The following HNF4G variants were observed in gnomAD, a reference collection of about 807,000 sequenced individuals.
The protein encoded by HNF4G is hepatocyte nuclear factor 4 gamma, also known as hepatocyte nuclear factor 4-gamma.
In HNF4G, 21 loss-of-function variants were observed where a neutral mutation model predicts 50.9. The observed-to-expected ratio is 0.41, with a 90% CI of 0.29 to 0.59. HNF4G has a LOEUF of 0.59. Ranked by LOEUF, HNF4G falls within the 20% of genes least tolerant of loss-of-function variation. The probability of loss-of-function intolerance (pLI) is 0.26; values close to 1 mark genes in which losing one functional copy is unlikely to be tolerated. For missense variants in HNF4G, 527 were observed against 559.4 expected (o/e 0.94, Z 0.58); for synonymous variants, 198 against 185.6 (o/e 1.07, Z -0.54).
rs561859014 is a variant in HNF4G at position 75,563,832 on chromosome 8, G to A, written c.1247-143G>A. 1.0e-3 allele frequency: 850 copies of A among 819,524 alleles called. 9 individuals are homozygous for A. Among genetic ancestry groups the A allele is most frequent in the Admixed American group, 2.6e-4 (10 of 38,418 alleles). 50.8% of individuals were successfully genotyped at this position (819,524 alleles called of 1,614,324 possible). A position where few individuals can be genotyped will look rare whatever the true frequency, so the allele number is the denominator to read the frequency against. Reference sequence around the variant, plus strand: ...TAACAGTACGTCATGGGCCAATAATGCATTCTACAAATCACTATTCTGTGT... The same window carrying A: ...TAACAGTACGTCATGGGCCAATAATACATTCTACAAATCACTATTCTGTGT... On this transcript the variant is annotated intron_variant, in intron 9 of 9. Transcript: ENST00000396423.
At chr8:75,522,740 C>T (rs745464712) in intron 2 of HNF4G, among the ~76,000 whole-genome samples, 1 of 152,140 alleles carries the variant, frequency 6.6e-6, no homozygotes, top group Non-Finnish European at 1.5e-5. Context: ...CATTGGAAAC[C>T]ACTGATGTAG....
intron 1 of HNF4G, among the ~76,000 whole-genome samples, chr8:75,470,369 A>AT (rs1363855533): frequency 6.6e-6 from 1 of 152,310 alleles, no homozygotes; most frequent in African/African-American, 2.4e-5. Context: ...TTGGTACTAT[A>AT]TTTTTATGGC....
At chr8:75,535,380 G>C (rs1385378472), upstream of HNF4G, among the ~76,000 whole-genome samples, 3 of 151,608 alleles carry the variant, frequency 2.0e-5, no homozygotes, top group Non-Finnish European at 4.4e-5. Context: ...TCCTTTTTGA[G>C]AAACAAAAGG....
At chr8:75,532,624 G>C (rs1408224593) in intron 2 of HNF4G, among the ~76,000 whole-genome samples, 1 of 152,004 alleles carries the variant, frequency 6.6e-6, no homozygotes, top group Non-Finnish European at 1.5e-5. Flanking sequence ...GTCAGCATTG[G>C]TAACATGAGG....
At chr8:75,455,540 G>A (rs2172) in intron 1 of HNF4G, among the ~76,000 whole-genome samples, 24,499 of 151,954 alleles carry the variant, frequency 0.16, 2,287 homozygotes, top group African/African-American at 0.25. Flanking sequence ...CATGAACTTG[G>A]GGAACTATAA....
chr8:75,471,447 A>C (rs934713146), intron 1 of HNF4G, among the ~76,000 whole-genome samples: 10 of 152,286 alleles, frequency 6.6e-5, no homozygotes, highest in African/African-American at 2.2e-4. Flanking sequence ...CAATATACAT[A>C]GTTTGAATAG....
At chr8:75,561,994 C>A (rs1807323507) in intron 9 of HNF4G, among the ~76,000 whole-genome samples, 1 of 152,070 alleles carries the variant, frequency 6.6e-6, no homozygotes, top group African/African-American at 2.4e-5. Flanking sequence ...TAATTAATCC[C>A]AGATTTACCT....
At chr8:75,563,377 G>C (rs1363115769) in intron 9 of HNF4G, among the ~76,000 whole-genome samples, 2 of 151,072 alleles carry the variant, frequency 1.3e-5, no homozygotes, top group African/African-American at 2.4e-5. Context: ...CTTGCTCTTT[G>C]CATCAAAGGG....
chr8:75,449,751 C>T (rs570972245), intron 1 of HNF4G, among the ~76,000 whole-genome samples: 2 of 149,854 alleles, frequency 1.3e-5, no homozygotes, highest in Non-Finnish European at 2.9e-5. Context: ...TCGTGATCCG[C>T]CCCCCTTGGC....
At chr8:75,519,101 A>G (rs1339030880) in intron 2 of HNF4G, among the ~76,000 whole-genome samples, 3 of 152,172 alleles carry the variant, frequency 2.0e-5, no homozygotes, top group Admixed American at 6.5e-5. Context: ...GCCATAGATC[A>G]TTTCTCTCAA....
chr8:75,476,105 A>C (rs1812233438), intron 1 of HNF4G, among the ~76,000 whole-genome samples: 1 of 152,010 alleles, frequency 6.6e-6, no homozygotes, highest in South Asian at 2.1e-4. Flanking sequence ...CCTGTTCTCC[A>C]ATTTTTTTGG....
intron 1 of HNF4G, among the ~76,000 whole-genome samples, chr8:75,462,331 A>G (rs1468440987): frequency 6.6e-6 from 1 of 152,158 alleles, no homozygotes; most frequent in African/African-American, 2.4e-5. Context: ...CTGTCACAGT[A>G]TCACAGTGAT....
chr8:75,511,370 A>C (rs994157465), intron 2 of HNF4G, among the ~76,000 whole-genome samples: 6 of 152,286 alleles, frequency 3.9e-5, no homozygotes, highest in Admixed American at 6.5e-5. Flanking sequence ...GTTTGCCTTA[A>C]TATGTAATTG....
intron 2 of HNF4G, among the ~76,000 whole-genome samples, chr8:75,529,014 C>T (rs1398714202): frequency 6.6e-6 from 1 of 151,978 alleles, no homozygotes; most frequent in East Asian, 1.9e-4. Flanking sequence ...CTGCCGGGCG[C>T]GGTGGCTAAC....
At chr8:75,438,921 T>C (rs1811206188) in intron 1 of HNF4G, among the ~76,000 whole-genome samples, 1 of 152,054 alleles carries the variant, frequency 6.6e-6, no homozygotes, top group Admixed American at 6.6e-5. Flanking sequence ...TGATTTTTTT[T>C]CTCCACTTAA....
intron 1 of HNF4G, among the ~76,000 whole-genome samples, chr8:75,432,331 T>A (rs1369565648): frequency 2.6e-5 from 4 of 152,124 alleles, no homozygotes; most frequent in African/African-American, 4.8e-5. Context: ...TATTTATTTA[T>A]TTTGAGAAGG....
intron 9 of HNF4G, among the ~76,000 whole-genome samples, chr8:75,562,448 T>A (rs1807340763): frequency 6.6e-6 from 1 of 152,146 alleles, no homozygotes; most frequent in Non-Finnish European, 1.5e-5. Flanking sequence ...ATCTTACCAT[T>A]TTCATTTAAC....
intron 2 of HNF4G, among the ~76,000 whole-genome samples, chr8:75,533,428 T>C (rs1388395181): frequency 5.9e-5 from 9 of 152,100 alleles, no homozygotes; most frequent in Non-Finnish European, 8.8e-5. Flanking sequence ...ATAATTGTAA[T>C]GTGCACCAGA....
intron 2 of HNF4G, among the ~76,000 whole-genome samples, chr8:75,520,486 G>A (rs1806011009): frequency 6.6e-6 from 1 of 151,780 alleles, no homozygotes; most frequent in African/African-American, 2.4e-5. Context: ...TGCTCAGGCT[G>A]GAGTACAGTG....
Sources: allele counts gnomAD v4.1 joint callset (sites outside exome capture counted in the v4.1 genomes callset), GRCh38; gene constraint gnomAD v4.1.1; transcripts MANE v1.5; gene names NCBI Gene and HGNC (gene_info 2026-07-23, HGNC 2026-07-21).